The following DENND5B variants were observed in gnomAD, a reference collection of about 807,000 sequenced individuals.
DENND5B encodes DENN domain containing 5B.
A neutral mutation model predicts 140.6 loss-of-function variants in DENND5B; 34 were observed. That is an observed-to-expected ratio of 0.24 (90% confidence interval 0.18 to 0.32). The LOEUF (loss-of-function observed/expected upper bound fraction) is 0.32. Among genes scored for constraint, DENND5B ranks in the 10% least tolerant of loss-of-function variants. The pLI is 1.00. For missense variants in DENND5B, 1,142 were observed against 1,560.2 expected (o/e 0.73, Z 4.52); for synonymous variants, 551 against 562.1 (o/e 0.98, Z 0.28).
intron 1 of DENND5B, among the ~76,000 whole-genome samples, chr12:31,575,524 A>G (rs1251746255): frequency 1.3e-5 from 2 of 152,242 alleles, no homozygotes; most frequent in African/African-American, 2.4e-5. Flanking sequence ...TATAAATTTA[A>G]TATCTAGAAA....
chr12:31,415,487 T>TA (rs754091925), intron 11 of DENND5B, 39 bp from the exon 12 acceptor site: 1 of 1,450,150 alleles, frequency 6.9e-7, no homozygotes, highest in Non-Finnish European at 9.5e-7. Flanking sequence ...AGAAAAGTAA[T>TA]AAAAAATATA....
At chr12:31,531,361 C>T (rs1382953354) in intron 1 of DENND5B, among the ~76,000 whole-genome samples, 1 of 152,060 alleles carries the variant, frequency 6.6e-6, no homozygotes, top group Admixed American at 6.6e-5. Context: ...CACTACGTCC[C>T]GCTAAGTTTC....
In DENND5B at chr12:31,383,056, G is replaced by A. The variant is rs987900003; in HGVS notation, c.*4547C>T. On this transcript the variant is annotated 3_prime_UTR_variant, in exon 21 of 21. Coordinates refer to ENST00000389082, the MANE Select transcript of DENND5B (RefSeq NM_144973.4). ...GATTCACTTTATAAAAGTAGAGAAG[G>A]GCTCAAGACTCTCAATCAGTGAAGG... 2.0e-5 allele frequency: 3 copies of A among 152,072 alleles called. No individual in the cohort carries two copies. The highest frequency in any genetic ancestry group is 1.3e-4 in the Admixed American group (2 of 15,254). 9.4% of individuals were successfully genotyped at this position (152,072 alleles called of 1,614,324 possible).
intron 6 of DENND5B, 150 bp from the exon 7 acceptor site, chr12:31,443,075 C>T (rs753841692): frequency 2.1e-5 from 14 of 670,950 alleles, no homozygotes; most frequent in Middle Eastern, 4.3e-4. Flanking sequence ...CACGCACGCA[C>T]GCATATATGC....
Position 31,398,242 on chromosome 12 carries a change from T to C in DENND5B, c.3189A>G (p.Pro1063=). 1 of 1,602,316 alleles carries C rather than the reference T, an allele frequency of 6.2e-7. No individual in the cohort carries two copies. Among genetic ancestry groups the C allele is most frequent in the Non-Finnish European group, 8.5e-7 (1 of 1,174,448 alleles). ...CCGTGGTGGGTGACTTCTGCTGGGG[T>C]GGAGTCCGACACTGCTTTACTAGAT... ...DEDLVKQCRT[P]PQQKSPTTAR... The change falls in exon 17 of 21, where the codon CCA becomes CCG. Residue 1063 remains proline, a synonymous_variant. Coordinates refer to ENST00000389082, the MANE Select transcript of DENND5B (RefSeq NM_144973.4).
intron 1 of DENND5B, among the ~76,000 whole-genome samples, chr12:31,504,335 G>A (rs1272669837): frequency 6.6e-6 from 1 of 152,160 alleles, no homozygotes; most frequent in Non-Finnish European, 1.5e-5. Flanking sequence ...CAAAAGTTCT[G>A]CTACTATGAA....
intron 1 of DENND5B, among the ~76,000 whole-genome samples, chr12:31,503,339 C>T (rs1427017663): frequency 6.6e-6 from 1 of 152,080 alleles, no homozygotes; most frequent in Non-Finnish European, 1.5e-5. Flanking sequence ...GTGGGCAGAT[C>T]GCTTGAGTTC....
chr12:31,557,933 G>C (rs768577096), intron 1 of DENND5B, among the ~76,000 whole-genome samples: 2 of 151,754 alleles, frequency 1.3e-5, no homozygotes, highest in Non-Finnish European at 2.9e-5. Context: ...CATGGTAGTA[G>C]TCCCAGCTAT....
intron 12 of DENND5B, among the ~76,000 whole-genome samples, chr12:31,414,822 T>C (rs1942638677): frequency 6.6e-6 from 1 of 151,176 alleles, no homozygotes; most frequent in Non-Finnish European, 1.5e-5. Flanking sequence ...CTCAGGAGGC[T>C]GAGGCAGAAG....
chr12:31,435,702 C>T (rs534991710), intron 7 of DENND5B, among the ~76,000 whole-genome samples: 9 of 152,228 alleles, frequency 5.9e-5, no homozygotes, highest in Admixed American at 4.6e-4. Flanking sequence ...GTTCTGTCGC[C>T]CAGGCTGGAG....
rs760746121 is a variant in DENND5B at position 31,461,871 on chromosome 12, G to A, written c.905-1490C>T. Among the ~76,000 whole-genome samples the A allele has an allele frequency of 3.3e-5, 5 of 152,222 alleles. No homozygotes were observed. The South Asian group carries it at 1.0e-3, about 32-fold the overall frequency. ...AATTTAGGGGAGTCTTTTTAAAAAG[G>A]TTAAGAAAATGATCAGATGTTACTT... On this transcript the variant is annotated intron_variant, in intron 3 of 20. Coordinates refer to ENST00000389082, the MANE Select transcript of DENND5B (RefSeq NM_144973.4).
chr12:31,483,483 C>G (rs1195825132), intron 2 of DENND5B, among the ~76,000 whole-genome samples: 1 of 151,930 alleles, frequency 6.6e-6, no homozygotes, highest in Non-Finnish European at 1.5e-5. Context: ...CTCTGTCACC[C>G]AGGCTGGAGT....
chr12:31,562,961 C>T (rs1028895179), intron 1 of DENND5B, among the ~76,000 whole-genome samples: 5 of 150,984 alleles, frequency 3.3e-5, no homozygotes, highest in Non-Finnish European at 7.4e-5. Flanking sequence ...TAAATACTTA[C>T]GTAGATAAGG....
Position 31,479,867 on chromosome 12 carries a change from A to G in DENND5B, c.626T>C (p.Ile209Thr). 5 of 1,613,976 alleles carry G rather than the reference A, an allele frequency of 3.1e-6. No individual in the cohort carries two copies. The South Asian group carries it at 3.3e-5, about 11-fold the overall frequency. The change falls in exon 3 of 21, where the codon ATC becomes ACC. Residue 209 changes from isoleucine (I) to threonine (T), a missense_variant. By Grantham distance (89) the Ile-to-Thr change is moderately conservative (BLOSUM62 -1). This residue lies in a region of DENND5B where 708 missense variants were observed against 905.5 expected (regional missense o/e 0.78). Transcript: ENST00000389082. ...PFMQACKKFL[I>T]QLYKAVTSQQ... The stretch of plus-strand genomic sequence containing the variant: ...TGAGGTAACAGCCTTGTAAAGCTGG[A>G]TAAGGAATTTCTTGCAGGCCTGCAT...
At chr12:31,443,808 G>A (rs999044913) in intron 6 of DENND5B, 2 of 152,146 alleles carry the variant, frequency 1.3e-5, no homozygotes, top group Admixed American at 6.5e-5. Context: ...TCATTTTGGA[G>A]TGTTTATTAG....
At chr12:31,590,503 G>A (rs1023804725) in intron 1 of DENND5B, 2 of 600,358 alleles carry the variant, frequency 3.3e-6, no homozygotes, top group Non-Finnish European at 5.0e-6. Flanking sequence ...CGAAAGCCCC[G>A]GTGGGCGCAG....
At chr12:31,567,651 C>A (rs1365143759) in intron 1 of DENND5B, among the ~76,000 whole-genome samples, 2 of 151,834 alleles carry the variant, frequency 1.3e-5, no homozygotes, top group African/African-American at 4.8e-5. Flanking sequence ...GAGCAAGCCA[C>A]TCCTTTGTTC....
At chr12:31,390,924 G>A (rs952991085) in intron 19 of DENND5B, among the ~76,000 whole-genome samples, 9 of 151,942 alleles carry the variant, frequency 5.9e-5, no homozygotes, top group East Asian at 1.9e-4. Flanking sequence ...GCTGGGGCAG[G>A]AGAACCGCTT....
intron 1 of DENND5B, among the ~76,000 whole-genome samples, chr12:31,583,671 G>A (rs1294477718): frequency 6.7e-6 from 1 of 150,072 alleles, no homozygotes; most frequent in Non-Finnish European, 1.5e-5. Flanking sequence ...GAGCAAGACT[G>A]TGTCTGGGAA....
Sources: allele counts gnomAD v4.1 joint callset (sites outside exome capture counted in the v4.1 genomes callset), GRCh38; gene constraint gnomAD v4.1.1; regional missense constraint gnomAD v4.1.1; transcripts MANE v1.5; gene names NCBI Gene and HGNC (gene_info 2026-07-23, HGNC 2026-07-21).